C12orf56: variants seen among roughly 807,000 people sequenced by gnomAD.
C12orf56 encodes chromosome 12 open reading frame 56, also known as uncharacterized protein C12orf56.
C12orf56 carries 71 observed loss-of-function variants against 69.9 expected under a neutral mutation model. The ratio of observed to expected loss-of-function variants is 1.02; its 90% confidence interval spans 0.84 to 1.24. The LOEUF is 1.24. C12orf56 is among the 50% of genes most tolerant of loss of function. The probability of loss-of-function intolerance (pLI) is 0.00; values close to 1 mark genes in which losing one functional copy is unlikely to be tolerated. For missense variants in C12orf56, 732 were observed against 738.5 expected (o/e 0.99, Z 0.10); for synonymous variants, 276 against 274.1 (o/e 1.01, Z -0.07).
chr12:64,340,963 G>C (rs535993484), intron 2 of C12orf56, among the ~76,000 whole-genome samples: 146 of 152,288 alleles, frequency 9.6e-4, no homozygotes, highest in African/African-American at 3.3e-3. Context: ...GTAACACTAA[G>C]AGACACCCTA....
At chr12:64,356,459 C>A (rs968941237) in intron 1 of C12orf56, among the ~76,000 whole-genome samples, 4 of 152,160 alleles carry the variant, frequency 2.6e-5, no homozygotes, top group Non-Finnish European at 5.9e-5. Flanking sequence ...GGAAGGGGTT[C>A]TTATTCCTGA....
chr12:64,266,445 G>T lies in C12orf56; in HGVS notation c.*738C>A. ...CTTGGTGGTTTCTGGTGCAGGAACT[G>T]AGAGACCCTTTGGTGTTCTACCTGG... On this transcript the variant is annotated 3_prime_UTR_variant, in exon 13 of 13. Transcript: ENST00000543942. 3.9e-6 allele frequency: 1 copy of T among 259,186 alleles called. No individual in the cohort carries two copies. The highest frequency in any genetic ancestry group is 7.7e-5 in the South Asian group (1 of 12,928). The allele number at this position is 259,186 out of a possible 1,614,324, so 16.1% of individuals were successfully genotyped here. A position where few individuals can be genotyped will look rare whatever the true frequency, so the allele number is the denominator to read the frequency against.
chr12:64,328,702 AAAAAATATATATATATATAT>A (rs1470618895), intron 3 of C12orf56, among the ~76,000 whole-genome samples: 203 of 26,234 alleles, frequency 7.7e-3, no homozygotes, highest in Non-Finnish European at 9.9e-3. Flanking sequence ...AAAAAAAAAA[AAAAAATATATATATATATAT>A]ATATATATAT....
At chr12:64,369,938 G>T (rs1327178360) in intron 1 of C12orf56, among the ~76,000 whole-genome samples, 1 of 149,498 alleles carries the variant, frequency 6.7e-6, no homozygotes, top group African/African-American at 2.5e-5. Context: ...AGCTGAGATC[G>T]TGCCACTGCA....
At position 64,301,633 on chromosome 12, in the gene C12orf56, A is replaced by G. The variant is rs116227583; in HGVS notation, c.1113+2002T>C. On this transcript the variant is annotated intron_variant, in intron 6 of 12. Transcript: ENST00000543942. ...GATGAATGCATTTACATGTAGACAT[A>G]TAGCTTAGAAGGTATATAAGCTCTG... is the stretch of plus-strand genomic sequence containing the variant. Among the ~76,000 whole-genome samples the G allele has an allele frequency of 4.8e-3, 729 of 152,306 alleles. 4 individuals are homozygous for G. The highest frequency in any genetic ancestry group is 0.016 in the African/African-American group (682 of 41,560).
intron 1 of C12orf56, among the ~76,000 whole-genome samples, chr12:64,379,904 A>C (rs2039688636): frequency 1.4e-5 from 2 of 147,990 alleles, no homozygotes; most frequent in African/African-American, 5.0e-5. Context: ...TAACACGGTG[A>C]AACCCCGTCT....
intron 1 of C12orf56, among the ~76,000 whole-genome samples, chr12:64,384,993 G>A (rs1399561447): frequency 6.6e-6 from 1 of 151,208 alleles, no homozygotes; most frequent in Non-Finnish European, 1.5e-5. Flanking sequence ...GGTGGAAGTT[G>A]CAGTGAGCCC....
At chr12:64,331,976 C>G (rs1452524783) in intron 2 of C12orf56, among the ~76,000 whole-genome samples, 2 of 151,258 alleles carry the variant, frequency 1.3e-5, no homozygotes, top group Admixed American at 6.6e-5. Flanking sequence ...GAAAAAAAGA[C>G]TTTGCTCCTT....
At chr12:64,379,814 T>C (rs1247335212) in intron 1 of C12orf56, among the ~76,000 whole-genome samples, 1 of 149,838 alleles carries the variant, frequency 6.7e-6, no homozygotes, top group African/African-American at 2.5e-5. Flanking sequence ...CCGGGCGCAG[T>C]GGCTCACGCC....
chr12:64,312,477 C>T lies in C12orf56; in HGVS notation c.968+202G>A, dbSNP rs116947834. ...TACAAAAATTAGCCAGGTTTGGTGGCGGGCGCCTGGAGTGCTAGCTACTTA... is the reference window on the plus strand; with the variant it reads ...TACAAAAATTAGCCAGGTTTGGTGGTGGGCGCCTGGAGTGCTAGCTACTTA... On this transcript the variant is annotated intron_variant, in intron 5 of 12. Coordinates refer to ENST00000543942, the MANE Select transcript of C12orf56 (RefSeq NM_001170633.2). Among the ~76,000 whole-genome samples, 1,312 of 152,210 alleles carry T rather than the reference C, an allele frequency of 8.6e-3. 9 individuals carry two copies. Among genetic ancestry groups the T allele is most frequent in the Non-Finnish European group, 0.016 (1,056 of 68,010 alleles).
intron 5 of C12orf56, among the ~76,000 whole-genome samples, chr12:64,308,014 T>G (rs889959710): frequency 3.3e-4 from 50 of 151,612 alleles, no homozygotes; most frequent in Non-Finnish European, 5.7e-4. Flanking sequence ...AGACCCTCTC[T>G]CAAAAGTAAA....
rs1165493494 is a variant in C12orf56, at chr12:64,296,066, G to C, written c.1113+7569C>G. On this transcript the variant is annotated intron_variant, in intron 6 of 12. Coordinates refer to ENST00000543942, the MANE Select transcript of C12orf56 (RefSeq NM_001170633.2). ...TGGCATGTGAGTTGGAGAACTGAGT[G>C]GTTCTGTCTCTCTGGAGAATTCTAA... Among the ~76,000 whole-genome samples, 4 of 152,110 alleles carry C rather than the reference G, an allele frequency of 2.6e-5. No individual in the cohort carries two copies. The East Asian group carries it at 7.7e-4, about 29-fold the overall frequency.
chr12:64,390,304 C>T lies in C12orf56; in HGVS notation c.252+10G>A, dbSNP rs1359129957. The T allele has an allele frequency of 1.3e-6, 2 of 1,596,924 alleles. No homozygotes were observed. Among genetic ancestry groups the T allele is most frequent in the Non-Finnish European group, 1.7e-6 (2 of 1,172,676 alleles). On this transcript the variant is annotated intron_variant, in intron 1 of 12. Coordinates refer to ENST00000543942, the MANE Select transcript of C12orf56 (RefSeq NM_001170633.2). ...GCTCCCGAGCCCGCCTGCCCACCCG[C>T]GCCGCTCACCAGGTCAATGGCCACG...
chr12:64,331,282 C>T (rs978673358), intron 2 of C12orf56, among the ~76,000 whole-genome samples: 1 of 152,128 alleles, frequency 6.6e-6, no homozygotes, highest in African/African-American at 2.4e-5. Context: ...GGGAGGATCA[C>T]TTGAGCTCAC....
chr12:64,303,802 T>C, intron 5 of C12orf56, 23 bp from the exon 6 acceptor site: 1 of 1,557,672 alleles, frequency 6.4e-7, no homozygotes, highest in Non-Finnish European at 8.6e-7. Flanking sequence ...AAGAAAATTT[T>C]CCACTTAAAA....
At position 64,327,128 on chromosome 12, in the gene C12orf56, G is replaced by A. The variant is rs545762725; in HGVS notation, c.488+3832C>T. ...GCTGAGTGTCCCCACCAGCAAGAAC[G>A]CTCTCAGCAGATACAACTCCTTGAC... On this transcript the variant is annotated intron_variant, in intron 3 of 12. Transcript: ENST00000543942. Among the ~76,000 whole-genome samples the A allele has an allele frequency of 5.3e-5, 8 of 152,284 alleles. No homozygotes were observed. The East Asian group carries it at 1.2e-3, about 22-fold the overall frequency.
In C12orf56 at chr12:64,338,682, A is replaced by C. The variant is rs993238047; in HGVS notation, c.416-7650T>G. ...ACAAACTGACCTTTCTCTATGTTGA[A>C]CTCTTCTTCTGCCTTTGCATCTATT... On this transcript the variant is annotated intron_variant, in intron 2 of 12. Transcript: ENST00000543942. 6 of 1,567,456 alleles carry C rather than the reference A, an allele frequency of 3.8e-6. No homozygotes were observed. The African/African-American group carries it at 6.8e-5, about 18-fold the overall frequency.
At chr12:64,320,518 T>C (rs2038757372) in intron 3 of C12orf56, among the ~76,000 whole-genome samples, 1 of 152,204 alleles carries the variant, frequency 6.6e-6, no homozygotes, top group South Asian at 2.1e-4. Flanking sequence ...ACTCTTCTGA[T>C]TTTCCCAATA....
intron 2 of C12orf56, among the ~76,000 whole-genome samples, chr12:64,343,522 A>G (rs2039101582): frequency 1.3e-5 from 2 of 152,218 alleles, no homozygotes; most frequent in South Asian, 4.1e-4. Context: ...ATGGAGAAAA[A>G]GGCATTTGCC....
Sources: allele counts gnomAD v4.1 joint callset (sites outside exome capture counted in the v4.1 genomes callset), GRCh38; gene constraint gnomAD v4.1.1; transcripts MANE v1.5; gene names NCBI Gene and HGNC (gene_info 2026-07-23, HGNC 2026-07-21).